Variants in DENND1A observed in about 807,000 individuals in gnomAD.
DENND1A encodes the protein DENN domain-containing protein 1A.
A neutral mutation model predicts 113.7 loss-of-function variants in DENND1A; 51 were observed. The observed-to-expected ratio is 0.45, with a 90% CI of 0.36 to 0.57. The LOEUF is 0.57. Among genes scored for constraint, DENND1A ranks in the 20% least tolerant of loss-of-function variants. DENND1A has a pLI of 0.00. For synonymous variants in DENND1A, 565 were observed against 570.8 expected (o/e 0.99, Z 0.14); for missense variants, 1,258 against 1,395.9 (o/e 0.90, Z 1.57).
intron 20 of DENND1A, among the ~76,000 whole-genome samples, chr9:123,410,581 G>GGGAA (rs2044227980): frequency 2.6e-5 from 4 of 151,950 alleles, no homozygotes; most frequent in African/African-American, 7.3e-5. Context: ...CACCCACAGC[G>GGGAA]GGGAAGGGAA....
At chr9:123,897,127 C>A (rs1850884262) in intron 1 of DENND1A, among the ~76,000 whole-genome samples, 1 of 152,218 alleles carries the variant, frequency 6.6e-6, no homozygotes, top group Non-Finnish European at 1.5e-5. Flanking sequence ...TGTCTCTCCA[C>A]AACGAGAAAA....
chr9:123,778,377 A>C (rs1005831121), intron 3 of DENND1A, among the ~76,000 whole-genome samples: 1 of 152,168 alleles, frequency 6.6e-6, no homozygotes, highest in Non-Finnish European at 1.5e-5. Flanking sequence ...TGTACTGTCA[A>C]ATCATACAAG....
chr9:123,403,653 A>C, intron 20 of DENND1A, 163 bp from the exon 21 acceptor site: 1 of 632,444 alleles, frequency 1.6e-6, no homozygotes, highest in Non-Finnish European at 2.8e-6. Flanking sequence ...TCACCATCTA[A>C]TAGGCAGCAG....
At chr9:123,677,600 A>G (rs2064165483) in intron 5 of DENND1A, among the ~76,000 whole-genome samples, 1 of 151,916 alleles carries the variant, frequency 6.6e-6, no homozygotes, top group South Asian at 2.1e-4. Flanking sequence ...TGCCTGGCTA[A>G]TTTTTGTATT....
intron 1 of DENND1A, among the ~76,000 whole-genome samples, chr9:123,895,029 G>T (rs1850504804): frequency 6.6e-6 from 1 of 151,522 alleles, no homozygotes; most frequent in African/African-American, 2.4e-5. Context: ...CACCCTGATT[G>T]AAACTCAGAA....
chr9:123,401,492 T>C, intron 21 of DENND1A: 2 of 1,220,028 alleles, frequency 1.6e-6, no homozygotes, highest in Admixed American at 3.6e-5. Context: ...AACGTACCCC[T>C]CTGTCTCCTT....
intron 1 of DENND1A, among the ~76,000 whole-genome samples, chr9:123,898,141 G>A (rs543492540): frequency 6.6e-6 from 1 of 152,118 alleles, no homozygotes; most frequent in East Asian, 1.9e-4. Context: ...GGGGGTGTAG[G>A]AGCTTTCTCA....
chr9:123,452,162 C>A (rs939396173), intron 17 of DENND1A, 114 bp downstream of exon 17: 25 of 993,918 alleles, frequency 2.5e-5, no homozygotes, highest in South Asian at 8.9e-5. Flanking sequence ...CCACTGCACT[C>A]CAGCCTGGGC....
At chr9:123,589,914 C>G (rs549679971) in intron 11 of DENND1A, among the ~76,000 whole-genome samples, 5 of 152,298 alleles carry the variant, frequency 3.3e-5, no homozygotes, top group African/African-American at 1.2e-4. Flanking sequence ...TTGTCCCCGA[C>G]CAGGGGGCTT....
At chr9:123,689,804 T>C (rs2065047717) in intron 5 of DENND1A, among the ~76,000 whole-genome samples, 1 of 151,714 alleles carries the variant, frequency 6.6e-6, no homozygotes, top group African/African-American at 2.4e-5. Flanking sequence ...ACCCTGTCTC[T>C]ACAAAAAAAT....
intron 2 of DENND1A, among the ~76,000 whole-genome samples, chr9:123,835,008 C>A (rs1564362135): frequency 2.0e-5 from 3 of 151,760 alleles, no homozygotes; most frequent in African/African-American, 2.4e-5. Context: ...ATTCTGCCAA[C>A]AGGCAAGAGC....
intron 1 of DENND1A, among the ~76,000 whole-genome samples, chr9:123,920,735 ATT>A (rs761034647): frequency 1.5e-4 from 21 of 137,802 alleles, no homozygotes; most frequent in East Asian, 1.5e-3. Context: ...AATTTTTGTA[ATT>A]TTTTTTTTTT....
At chr9:123,782,837 C>A (rs1194519393) in intron 3 of DENND1A, among the ~76,000 whole-genome samples, 1 of 152,096 alleles carries the variant, frequency 6.6e-6, no homozygotes, top group Non-Finnish European at 1.5e-5. Context: ...TTTACAAACA[C>A]CTTTTCATTT....
chr9:123,448,116 G>A (rs1436954352), intron 18 of DENND1A, among the ~76,000 whole-genome samples: 1 of 152,136 alleles, frequency 6.6e-6, no homozygotes, highest in Non-Finnish European at 1.5e-5. Flanking sequence ...ATGTACTGAC[G>A]CTCTCTATAG....
intron 8 of DENND1A, among the ~76,000 whole-genome samples, chr9:123,660,574 T>G (rs73665322): frequency 6.6e-6 from 1 of 151,724 alleles, no homozygotes; most frequent in South Asian, 2.1e-4. Flanking sequence ...AAAAAAAAAA[T>G]TTTTTAATGA....
intron 2 of DENND1A, among the ~76,000 whole-genome samples, chr9:123,855,630 G>A (rs1246225051): frequency 6.6e-6 from 1 of 152,148 alleles, no homozygotes; most frequent in Admixed American, 6.5e-5. Flanking sequence ...AGGTAATGAA[G>A]AGGCATTATA....
chr9:123,865,995 G>C (rs12004459), intron 2 of DENND1A, among the ~76,000 whole-genome samples: 17 of 152,220 alleles, frequency 1.1e-4, no homozygotes, highest in Middle Eastern at 3.4e-3. Context: ...CTTCCTGGAC[G>C]GCCATGATGA....
At chr9:123,466,488 T>C (rs1309857346) in intron 13 of DENND1A, among the ~76,000 whole-genome samples, 1 of 152,050 alleles carries the variant, frequency 6.6e-6, no homozygotes, top group Non-Finnish European at 1.5e-5. Flanking sequence ...TTCATAGAGA[T>C]AGGTTTTCAC....
At chr9:123,920,092 T>TA (rs1215196690) in intron 1 of DENND1A, among the ~76,000 whole-genome samples, 1 of 152,030 alleles carries the variant, frequency 6.6e-6, no homozygotes, top group African/African-American at 2.4e-5. Flanking sequence ...TTTTCCAAAA[T>TA]AAAGTTTAAA....
Sources: gnomAD v4.1 joint callset for allele counts (sites outside exome capture counted in the v4.1 genomes callset) on GRCh38, gnomAD v4.1.1 for gene constraint, MANE v1.5 for transcripts, NCBI Gene and HGNC (gene_info 2026-07-23, HGNC 2026-07-21) for gene names.